The following MIPOL1 variants were observed in gnomAD, a reference collection of about 807,000 sequenced individuals.
The protein encoded by MIPOL1 is mirror-image polydactyly gene 1 protein.
In MIPOL1, 57 loss-of-function variants were observed where a neutral mutation model predicts 60.9. The ratio of observed to expected loss-of-function variants is 0.94; its 90% CI spans 0.76 to 1.17. MIPOL1 has a LOEUF of 1.17. Ranked by LOEUF, MIPOL1 falls within the 50% of genes most tolerant of loss-of-function variation. The pLI is 0.00. For missense variants in MIPOL1, 551 were observed against 511.6 expected, an observed-to-expected ratio of 1.08 and a Z score of -0.74; for synonymous variants, 179 against 168.8, an observed-to-expected ratio of 1.06 and a Z score of -0.47.
intron 1 of MIPOL1, among the ~76,000 whole-genome samples, chr14:37,232,073 C>T (rs1163450842): frequency 4.6e-5 from 7 of 152,030 alleles, no homozygotes; most frequent in Non-Finnish European, 8.8e-5. Context: ...CAGAGCCAAA[C>T]ACTGTCTCTA....
chr14:37,469,209 G>A (rs2094643102), intron 11 of MIPOL1, among the ~76,000 whole-genome samples: 1 of 152,224 alleles, frequency 6.6e-6, no homozygotes, highest in African/African-American at 2.4e-5. Flanking sequence ...TCTGCAGGCT[G>A]TGTAGGAAGC....
At chr14:37,481,560 AACACACACACACACACACAC>A (rs3062719) in intron 11 of MIPOL1, among the ~76,000 whole-genome samples, 35 of 113,198 alleles carry the variant, frequency 3.1e-4, no homozygotes, top group East Asian at 5.6e-4. Flanking sequence ...GACCCCCCCC[AACACACACACACACACACAC>A]ACACACACAC....
intron 1 of MIPOL1, among the ~76,000 whole-genome samples, chr14:37,215,089 G>C (rs754921254): frequency 3.3e-5 from 5 of 152,128 alleles, no homozygotes; most frequent in African/African-American, 7.2e-5. Context: ...ATTAGTGAAA[G>C]TGCTAAAAGT....
chr14:37,411,485 A>G (rs1197492891), intron 10 of MIPOL1, among the ~76,000 whole-genome samples: 2 of 152,278 alleles, frequency 1.3e-5, no homozygotes, highest in South Asian at 4.1e-4. Context: ...GTTCTCAGGT[A>G]TCTGGCAACT....
chr14:37,278,176 T>C (rs1233577521), intron 6 of MIPOL1: 2 of 151,622 alleles, frequency 1.3e-5, no homozygotes, highest in African/African-American at 4.8e-5. Context: ...AGCATTGTTA[T>C]GCCAAAAACA....
intron 9 of MIPOL1, among the ~76,000 whole-genome samples, chr14:37,355,601 C>G (rs1212007605): frequency 3.7e-5 from 3 of 80,234 alleles, no homozygotes; most frequent in Non-Finnish European, 9.8e-5. Flanking sequence ...AGGCTTTGCT[C>G]ATTTCTTTTT....
intron 10 of MIPOL1, among the ~76,000 whole-genome samples, chr14:37,371,324 TG>T (rs1010290585): frequency 5.3e-5 from 8 of 152,076 alleles, no homozygotes; most frequent in African/African-American, 1.9e-4. Flanking sequence ...TTCACTATGT[TG>T]GCCAGGCTGG....
chr14:37,367,748 AT>A (rs1366667731), intron 9 of MIPOL1, among the ~76,000 whole-genome samples: 1 of 152,036 alleles, frequency 6.6e-6, no homozygotes, highest in African/African-American at 2.4e-5. Context: ...AATCTTAATA[AT>A]TTTATATTAA....
chr14:37,350,052 A>G (rs982306508), intron 9 of MIPOL1, among the ~76,000 whole-genome samples: 1 of 152,144 alleles, frequency 6.6e-6, no homozygotes, highest in African/African-American at 2.4e-5. Flanking sequence ...AGTTTGTATT[A>G]TTTCCTGTCT....
At chr14:37,379,781 A>G (rs1016256141) in intron 10 of MIPOL1, among the ~76,000 whole-genome samples, 1 of 152,024 alleles carries the variant, frequency 6.6e-6, no homozygotes, top group African/African-American at 2.4e-5. Context: ...TTTTTTGAGG[A>G]GCTCAGTTAT....
chr14:37,505,785 T>C (rs1452765351), intron 12 of MIPOL1: 6 of 152,114 alleles, frequency 3.9e-5, no homozygotes, highest in Non-Finnish European at 7.4e-5. Context: ...AAATAAAGGG[T>C]ATTCAATTAA....
intron 1 of MIPOL1, among the ~76,000 whole-genome samples, chr14:37,218,936 A>G (rs994088954): frequency 3.3e-5 from 5 of 151,114 alleles, no homozygotes; most frequent in South Asian, 2.1e-4. Flanking sequence ...AAAAAAAAAA[A>G]AAAAAAGAAA....
Position 37,421,102 on chromosome 14 carries a change from A to G in MIPOL1, c.937-1753A>G, listed in dbSNP as rs375295613. Among the ~76,000 whole-genome samples the G allele has an allele frequency of 5.3e-4, 81 of 152,290 alleles. 1 individual carries two copies. In the South Asian group the frequency reaches 0.016, roughly 30 times the overall value. ...GTGGGAGGAGAAAGTGAAATTTTCAATAGTACCTTAAGCATGGGAATTTAA... is the reference window on the plus strand; with the variant it reads ...GTGGGAGGAGAAAGTGAAATTTTCAGTAGTACCTTAAGCATGGGAATTTAA... On this transcript the variant is annotated intron_variant, in intron 10 of 12. Transcript: ENST00000684589.
rs549348452 is a variant in MIPOL1 at position 37,365,213 on chromosome 14, C to T, written c.829-4304C>T. 1.3e-4 allele frequency among the ~76,000 whole-genome samples: 20 copies of T among 152,162 alleles called. No individual in the cohort carries two copies. In the South Asian group the frequency reaches 2.3e-3, roughly 17 times the overall value. ...ATGCCCTTTATTTCTTTCTCTTGTC[C>T]GATTGCTCTGGCTAGTACTTCCAGT... On this transcript the variant is annotated intron_variant, in intron 9 of 12. Coordinates refer to ENST00000684589, the MANE Select transcript of MIPOL1 (RefSeq NM_001388067.1).
chr14:37,226,382 G>A (rs1330906508), intron 1 of MIPOL1, among the ~76,000 whole-genome samples: 3 of 152,208 alleles, frequency 2.0e-5, no homozygotes, highest in African/African-American at 4.8e-5. Context: ...ACAGTTCTAC[G>A]TGGATGGAGA....
intron 10 of MIPOL1, among the ~76,000 whole-genome samples, chr14:37,385,176 G>A (rs2093031221): frequency 1.3e-5 from 2 of 152,014 alleles, no homozygotes; most frequent in Non-Finnish European, 2.9e-5. Flanking sequence ...AAAATATGGT[G>A]GAAGAGGGAG....
intron 1 of MIPOL1, among the ~76,000 whole-genome samples, chr14:37,206,523 G>A (rs1054492082): frequency 7.2e-5 from 11 of 152,206 alleles, no homozygotes; most frequent in African/African-American, 2.4e-4. Flanking sequence ...CCCACACAAA[G>A]TCCCTACTGG....
chr14:37,350,724 C>G (rs1428563539), intron 9 of MIPOL1, among the ~76,000 whole-genome samples: 1 of 152,106 alleles, frequency 6.6e-6, no homozygotes, highest in East Asian at 1.9e-4. Flanking sequence ...TCCCTCCAGC[C>G]CTCAACTACC....
At chr14:37,411,564 T>A (rs2093681580) in intron 10 of MIPOL1, among the ~76,000 whole-genome samples, 1 of 152,124 alleles carries the variant, frequency 6.6e-6, no homozygotes, top group African/African-American at 2.4e-5. Context: ...TCTAGTTCTC[T>A]ATGGTTGGTA....
Sources: allele counts gnomAD v4.1 joint callset (sites outside exome capture counted in the v4.1 genomes callset), GRCh38; gene constraint gnomAD v4.1.1; transcripts MANE v1.5; gene names NCBI Gene and HGNC (gene_info 2026-07-23, HGNC 2026-07-21).